FLYWCH2: variants seen among roughly 807,000 people sequenced by gnomAD.
FLYWCH2 encodes FLYWCH family member 2.
Under a neutral mutation model 6.0 loss-of-function variants are expected in FLYWCH2, and 2 were observed. The ratio of observed to expected loss-of-function variants is 0.33; its 90% CI spans 0.14 to 1.04. The LOEUF (loss-of-function observed/expected upper bound fraction) is 1.04. Among genes scored for constraint, FLYWCH2 ranks in the 50% least tolerant of loss-of-function variants. The pLI, the probability that FLYWCH2 is intolerant of heterozygous loss-of-function variation, is 0.45. For synonymous variants in FLYWCH2, 87 were observed against 79.3 expected, an observed-to-expected ratio of 1.10 and a Z score of -0.52; for missense variants, 192 against 183.4, an observed-to-expected ratio of 1.05 and a Z score of -0.27.
intron 1 of FLYWCH2, among the ~76,000 whole-genome samples, chr16:2,890,653 ACCTTGTGAT>A (rs2069747121): frequency 6.7e-6 from 1 of 148,530 alleles, no homozygotes; most frequent in Non-Finnish European, 1.5e-5. Context: ...CGAACTCCTG[ACCTTGTGAT>A]CCACCCGCCT....
chr16:2,898,574 C>T (rs1426674423), intron 3 of FLYWCH2, among the ~76,000 whole-genome samples: 1 of 152,182 alleles, frequency 6.6e-6, no homozygotes, highest in African/African-American at 2.4e-5. Flanking sequence ...GTCCTCCCAG[C>T]CCCTTTGAGA....
At position 2,898,716 on chromosome 16, in the gene FLYWCH2, A is replaced by G. The variant is rs573101383; in HGVS notation, c.323-333A>G. 1.3e-4 allele frequency: 32 copies of G among 237,080 alleles called. 2 individuals carry two copies. The South Asian group carries it at 3.5e-3, about 26-fold the overall frequency. 14.7% of individuals were successfully genotyped at this position (237,080 alleles called of 1,614,324 possible). A position where few individuals can be genotyped will look rare whatever the true frequency, so the allele number is the denominator to read the frequency against. ...GGCGCCAGGGGTCCCGCAGGCAATC[A>G]CCCTCAGGCATCGACCACCCCCATC... On this transcript the variant is annotated intron_variant, in intron 3 of 3. Transcript: ENST00000396958.
chr16:2,896,152 T>C (rs12931751), intron 2 of FLYWCH2, among the ~76,000 whole-genome samples, 200 bp from the exon 3 acceptor site: 1 of 152,114 alleles, frequency 6.6e-6, no homozygotes, highest in Admixed American at 6.6e-5. Flanking sequence ...ATGGGGAAAG[T>C]GGGGTTGGAT....
chr16:2,894,329 C>G (rs950501914), intron 1 of FLYWCH2, among the ~76,000 whole-genome samples: 4 of 152,108 alleles, frequency 2.6e-5, no homozygotes, highest in Non-Finnish European at 5.9e-5. Flanking sequence ...CTAGAGGACC[C>G]GGGGTGGACT....
intron 2 of FLYWCH2, among the ~76,000 whole-genome samples, 186 bp downstream of exon 2, chr16:2,895,506 C>G (rs953510541): frequency 1.3e-5 from 2 of 152,184 alleles, no homozygotes; most frequent in African/African-American, 4.8e-5. Context: ...CCCAGCTACT[C>G]GGAGAGGTTG....
chr16:2,897,970 C>T (rs1371105221), intron 3 of FLYWCH2, among the ~76,000 whole-genome samples: 6 of 152,022 alleles, frequency 3.9e-5, no homozygotes, highest in African/African-American at 1.4e-4. Context: ...ACAGGTGGTC[C>T]CCTGGGGTCA....
intron 1 of FLYWCH2, among the ~76,000 whole-genome samples, chr16:2,889,413 T>C (rs946555351): frequency 6.6e-6 from 1 of 151,968 alleles, no homozygotes; most frequent in Non-Finnish European, 1.5e-5. Context: ...CATTTCACCG[T>C]GTTAGCCAGG....
In FLYWCH2 at chr16:2,896,779, T is replaced by C. The variant is rs756533674; in HGVS notation, c.322+8T>C. 3 of 1,606,274 alleles carry C rather than the reference T, an allele frequency of 1.9e-6. No individual in the cohort carries two copies. Among genetic ancestry groups the C allele is most frequent in the Non-Finnish European group, 2.5e-6 (3 of 1,179,156 alleles). ...GGAGCAGGCAGGACCCAGGTGAGGCTCCACAGCGGCCCCCCAGGACAGCTC... is the reference window on the plus strand; with the variant it reads ...GGAGCAGGCAGGACCCAGGTGAGGCCCCACAGCGGCCCCCCAGGACAGCTC... On this transcript the variant is annotated splice_region_variant and intron_variant, in intron 3 of 3. Transcript: ENST00000396958.
At chr16:2,892,896 A>ATAT (rs1012277383) in intron 1 of FLYWCH2, among the ~76,000 whole-genome samples, 114 of 57,038 alleles carry the variant, frequency 2.0e-3, no homozygotes, top group South Asian at 4.5e-3. Flanking sequence ...TATAATGTAT[A>ATAT]TATGTCATAT....
chr16:2,891,304 G>A (rs139891801), intron 1 of FLYWCH2, among the ~76,000 whole-genome samples: 4 of 152,346 alleles, frequency 2.6e-5, no homozygotes, highest in Admixed American at 1.3e-4. Context: ...CAGGTCCCAG[G>A]TCAAGGACCA....
At chr16:2,893,789 C>T (rs370430706) in intron 1 of FLYWCH2, among the ~76,000 whole-genome samples, 1 of 152,004 alleles carries the variant, frequency 6.6e-6, no homozygotes, top group East Asian at 1.9e-4. Flanking sequence ...GGGCGCCCGC[C>T]ACCACGCCGG....
intron 1 of FLYWCH2, among the ~76,000 whole-genome samples, chr16:2,890,820 A>G (rs1366806246): frequency 6.6e-6 from 1 of 151,280 alleles, no homozygotes; most frequent in Admixed American, 6.6e-5. Context: ...ACCCACCTCA[A>G]CCCCCCAGAG....
intron 1 of FLYWCH2, among the ~76,000 whole-genome samples, chr16:2,894,154 G>T (rs1156378253): frequency 6.6e-6 from 1 of 151,952 alleles, no homozygotes; most frequent in East Asian, 1.9e-4. Context: ...AGGTCTCGGA[G>T]AATGGCTGCT....
In FLYWCH2 at chr16:2,886,108, C is replaced by CCT. The variant is rs533015519; in HGVS notation, c.-200+2742_-200+2743insCT. ...TGACTAATGATGTTGAGCATCTTCT[C>CCT]ATATATTAGCCATTTGTATATCTTC... On this transcript the variant is annotated intron_variant, in intron 1 of 3. Transcript: ENST00000396958. 3.3e-5 allele frequency among the ~76,000 whole-genome samples: 5 copies of CCT among 152,208 alleles called. No homozygotes were observed. The South Asian group carries it at 1.0e-3, about 32-fold the overall frequency.
intron 1 of FLYWCH2, among the ~76,000 whole-genome samples, chr16:2,885,721 G>A (rs1268924033): frequency 6.6e-6 from 1 of 152,106 alleles, no homozygotes; most frequent in East Asian, 1.9e-4. Context: ...TTCATCCATT[G>A]ATGGATATTT....
chr16:2,888,572 C>CT (rs1294079956), intron 1 of FLYWCH2, among the ~76,000 whole-genome samples: 1 of 150,778 alleles, frequency 6.6e-6, no homozygotes, highest in Non-Finnish European at 1.5e-5. Context: ...TCAAGTCTTC[C>CT]AATCCATGAA....
At chr16:2,895,852 A>G (rs908461738) in intron 2 of FLYWCH2, among the ~76,000 whole-genome samples, 7 of 152,234 alleles carry the variant, frequency 4.6e-5, no homozygotes, top group African/African-American at 1.7e-4. Context: ...ACATGGACAA[A>G]GTACACCAGA....
chr16:2,885,451 C>A (rs1204808808), intron 1 of FLYWCH2, among the ~76,000 whole-genome samples: 1 of 152,218 alleles, frequency 6.6e-6, no homozygotes, highest in Non-Finnish European at 1.5e-5. Flanking sequence ...CACTAGTAGT[C>A]AATTCTCATT....
At chr16:2,897,082 G>C (rs1275110201) in intron 3 of FLYWCH2, among the ~76,000 whole-genome samples, 1 of 152,228 alleles carries the variant, frequency 6.6e-6, no homozygotes, top group African/African-American at 2.4e-5. Context: ...TCAGCTTCAA[G>C]GTCTTGGCTC....
Sources: allele counts gnomAD v4.1 joint callset (sites outside exome capture counted in the v4.1 genomes callset), GRCh38; gene constraint gnomAD v4.1.1; transcripts MANE v1.5; gene names NCBI Gene and HGNC (gene_info 2026-07-23, HGNC 2026-07-21).